Variants in RBM41 observed in about 807,000 individuals in gnomAD.
RBM41 encodes RNA binding motif protein 41.
Under a neutral mutation model 30.8 loss-of-function variants are expected in RBM41, and 14 were observed. The ratio of observed to expected loss-of-function variants is 0.45; its 90% CI spans 0.30 to 0.71. The LOEUF is 0.71. RBM41 is among the 30% of genes least tolerant of loss of function. The pLI is 0.08. For synonymous variants in RBM41, 120 were observed against 110.1 expected, an observed-to-expected ratio of 1.09 and a Z score of -0.56; for missense variants, 276 against 326.3, an observed-to-expected ratio of 0.85 and a Z score of 1.19.
intron 1 of RBM41, 58 bp from the exon 2 acceptor site, chrX:107,116,824 T>C: frequency 1.8e-5 from 19 of 1,070,962 alleles, no homozygotes; most frequent in Non-Finnish European, 2.4e-5. Flanking sequence ...TCTCAAAATA[T>C]ATTCCTTATC....
At chrX:107,114,411 A>G (rs1314024591) in intron 4 of RBM41, 1 of 112,097 alleles carries the variant, frequency 8.9e-6, no homozygotes, top group African/African-American at 3.2e-5. Flanking sequence ...CTAACTCTGT[A>G]TAAGTCTATA....
At chrX:107,097,322 G>A (rs1167251940) in intron 5 of RBM41, among the ~76,000 whole-genome samples, 1 of 111,575 alleles carries the variant, frequency 9.0e-6, no homozygotes, top group Non-Finnish European at 1.9e-5. Context: ...TAAACAATGC[G>A]GTATATCTAT....
At chrX:107,070,205 T>C in intron 6 of RBM41, 1 of 330,356 alleles carries the variant, frequency 3.0e-6, no homozygotes, top group South Asian at 2.6e-5. Context: ...GGGTAAAAGA[T>C]AACTTGCCAA....
intron 6 of RBM41, among the ~76,000 whole-genome samples, chrX:107,071,037 A>T (rs1032052404): frequency 1.0e-5 from 1 of 98,937 alleles, no homozygotes; most frequent in Admixed American, 1.1e-4. Context: ...CCTGGGCAAC[A>T]GAGTGAGACC....
the RBM41 span, among the ~76,000 whole-genome samples, chrX:107,054,377 G>C: frequency 1.2e-4 from 13 of 111,256 alleles, no homozygotes; most frequent in Non-Finnish European, 1.9e-5. Flanking sequence ...TCATCCTTCG[G>C]ACCTGTGTAA....
chrX:107,082,016 C>A (rs1415152276), intron 6 of RBM41, among the ~76,000 whole-genome samples: 1 of 111,646 alleles, frequency 9.0e-6, no homozygotes, highest in Admixed American at 9.5e-5. Context: ...ATTTCCTTCA[C>A]TTGTTTTATT....
In RBM41 at chrX:107,067,079, C is replaced by T; in HGVS notation, c.*448G>A. The T allele has an allele frequency of 1.3e-6, 1 of 752,855 alleles. No homozygotes were observed. Among genetic ancestry groups the T allele is most frequent in the Non-Finnish European group, 1.6e-6 (1 of 638,465 alleles). The allele number at this position is 752,855 out of a possible 1,213,427, so 62.0% of individuals were successfully genotyped here. ...TTTGTTGATGCTTAGGCCTGGGGGT[C>T]CTACTCTTTTATTTACTAGGTGGAT... On this transcript the variant is annotated 3_prime_UTR_variant, in exon 8 of 8. Coordinates refer to ENST00000685964, the MANE Select transcript of RBM41 (RefSeq NM_001324242.2).
chrX:107,107,817 G>C (rs369885863), intron 5 of RBM41, among the ~76,000 whole-genome samples: 1 of 111,291 alleles, frequency 9.0e-6, no homozygotes, highest in East Asian at 2.8e-4. Context: ...AGGAACTGGA[G>C]ATATAAACAG....
the RBM41 span, among the ~76,000 whole-genome samples, chrX:107,056,808 A>G: frequency 9.7e-6 from 1 of 103,068 alleles, no homozygotes; most frequent in Non-Finnish European, 1.9e-5. Context: ...CTTCTCAAAT[A>G]ATCTTTTTTT....
chrX:107,086,184 T>C (rs1426131269), intron 6 of RBM41, among the ~76,000 whole-genome samples: 1 of 111,584 alleles, frequency 9.0e-6, no homozygotes, highest in Admixed American at 9.5e-5. Context: ...CTCCAAAGTT[T>C]TGGCAAGAAT....
intron 5 of RBM41, among the ~76,000 whole-genome samples, chrX:107,097,798 A>C (rs1212252666): frequency 8.9e-6 from 1 of 112,074 alleles, no homozygotes; most frequent in African/African-American, 3.2e-5. Context: ...TGGTTCCTGA[A>C]AGAAGCCAGA....
intron 6 of RBM41, among the ~76,000 whole-genome samples, chrX:107,070,730 C>T (rs757234940): frequency 3.8e-4 from 42 of 111,131 alleles, no homozygotes; most frequent in Admixed American, 3.3e-3. Flanking sequence ...ACCTATTAGG[C>T]GGCACGGGAG....
chrX:107,077,412 C>T (rs1251986421), intron 6 of RBM41, among the ~76,000 whole-genome samples: 2 of 111,425 alleles, frequency 1.8e-5, no homozygotes, highest in Non-Finnish European at 3.8e-5. Flanking sequence ...GGATTACAGA[C>T]GTGAGCCACC....
intron 6 of RBM41, among the ~76,000 whole-genome samples, chrX:107,077,573 AACACACAC>A (rs35841168): frequency 1.1e-4 from 10 of 92,671 alleles, no homozygotes; most frequent in African/African-American, 3.0e-4. Flanking sequence ...CAACATACAT[AACACACAC>A]ACACACACAC....
chrX:107,060,132 C>T (rs1490039413), downstream of RBM41, among the ~76,000 whole-genome samples: 1 of 108,216 alleles, frequency 9.2e-6, no homozygotes, highest in Admixed American at 1.0e-4. Context: ...ATTTGAGCAA[C>T]AAAACAATGA....
intron 5 of RBM41, among the ~76,000 whole-genome samples, chrX:107,101,238 G>A (rs958384386): frequency 8.1e-5 from 9 of 111,424 alleles, no homozygotes; most frequent in Admixed American, 9.6e-5. Flanking sequence ...TTCTTGATCT[G>A]ATTAAAAATG....
intron 6 of RBM41, among the ~76,000 whole-genome samples, chrX:107,079,807 T>A: frequency 8.9e-6 from 1 of 111,994 alleles, no homozygotes; most frequent in African/African-American, 3.2e-5. Flanking sequence ...CCTCAAACCC[T>A]TGGCAGTCAT....
intron 6 of RBM41, among the ~76,000 whole-genome samples, chrX:107,081,374 C>G (rs774193716): frequency 5.4e-5 from 6 of 111,689 alleles, no homozygotes; most frequent in Admixed American, 2.9e-4. Context: ...CTCCATTGAT[C>G]TGTATGTCTT....
rs1228437450 is a variant in RBM41 at position 107,066,182 on chromosome X, C to A, written c.*1345G>T. ...ATTGTTTCTGAGGGGAAGTCAACTA[C>A]TAATTTTATTTGGGTTCCTTGGTAA... On this transcript the variant is annotated 3_prime_UTR_variant, in exon 8 of 8. Coordinates refer to ENST00000685964, the MANE Select transcript of RBM41 (RefSeq NM_001324242.2). 8.9e-6 allele frequency: 1 copy of A among 112,653 alleles called. No individual in the cohort carries two copies. The highest frequency in any genetic ancestry group is 2.7e-4 in the East Asian group (1 of 3,653). The allele number at this position is 112,653 out of a possible 1,213,427, so 9.3% of individuals were successfully genotyped here.
Sources: allele counts gnomAD v4.1 joint callset (sites outside exome capture counted in the v4.1 genomes callset), GRCh38; gene constraint gnomAD v4.1.1; transcripts MANE v1.5; gene names NCBI Gene and HGNC (gene_info 2026-07-23, HGNC 2026-07-21).